The following SPINK5 variants were observed in gnomAD, a reference collection of about 807,000 sequenced individuals.
SPINK5 encodes serine peptidase inhibitor Kazal type 5.
Under a neutral mutation model 151.8 loss-of-function variants are expected in SPINK5, and 125 were observed. That is an observed-to-expected ratio of 0.82 (90% CI 0.71 to 0.96). SPINK5 has a LOEUF of 0.96. SPINK5 is among the 40% of genes least tolerant of loss of function. SPINK5 has a pLI of 0.00. For synonymous variants in SPINK5, 374 were observed against 395.3 expected (o/e 0.95, Z 0.64); for missense variants, 1,194 against 1,291.9 (o/e 0.92, Z 1.16).
In SPINK5 at chr5:148,120,233, A is replaced by G. The variant is rs1408478298; in HGVS notation, c.2442-62A>G. 8 of 1,609,160 alleles carry G rather than the reference A, an allele frequency of 5.0e-6. No homozygotes were observed. The East Asian group carries it at 1.6e-4, about 31-fold the overall frequency. ...AAAATGACAATTGTTTTAGAAGCAGATCTGGTAATTAATGAGGCGTTTGTT... is the reference window on the plus strand; with the variant it reads ...AAAATGACAATTGTTTTAGAAGCAGGTCTGGTAATTAATGAGGCGTTTGTT... On this transcript the variant is annotated intron_variant, in intron 25 of 32. Transcript: ENST00000256084.
intron 19 of SPINK5, among the ~76,000 whole-genome samples, 180 bp from the exon 20 acceptor site, chr5:148,112,688 A>C (rs1475206041): frequency 6.8e-6 from 1 of 147,976 alleles, no homozygotes; most frequent in African/African-American, 2.5e-5. Context: ...AAACCAAAAA[A>C]CAAACAAACA....
In SPINK5 at chr5:148,123,408, A is replaced by T. The variant is rs1466055789; in HGVS notation, c.2539-425A>T. 3.4e-3 allele frequency among the ~76,000 whole-genome samples: 142 copies of T among 41,870 alleles called. 1 individual carries two copies. The highest frequency in any genetic ancestry group is 8.2e-3 in the Non-Finnish European group (104 of 12,628). 27.5% of individuals were successfully genotyped at this position (41,870 alleles called of 152,430 possible). On this transcript the variant is annotated intron_variant, in intron 26 of 32. Coordinates refer to ENST00000256084, the MANE Select transcript of SPINK5 (RefSeq NM_006846.4). ...ATTATATATATATATAGATAGATATAATATATTATATATATAGATATATAT... is the reference window on the plus strand; with the variant it reads ...ATTATATATATATATAGATAGATATTATATATTATATATATAGATATATAT...
chr5:148,095,813 T>A lies in SPINK5; in HGVS notation c.795-5T>A. ...ATCTCTACTCATTTATTTTACTTTT[T>A]CCAGCAAGCAGCGTTTTTCAGAGGA... On this transcript the variant is annotated splice_polypyrimidine_tract_variant and splice_region_variant and intron_variant, in intron 9 of 32. Coordinates refer to ENST00000256084, the MANE Select transcript of SPINK5 (RefSeq NM_006846.4). 3.1e-6 allele frequency: 5 copies of A among 1,610,966 alleles called. No homozygotes were observed. The highest frequency in any genetic ancestry group is 4.2e-6 in the Non-Finnish European group (5 of 1,177,804).
At chr5:148,072,358 C>G (rs1375675774) in intron 4 of SPINK5, 138 bp downstream of exon 4, 16 of 869,578 alleles carry the variant, frequency 1.8e-5, no homozygotes, top group African/African-American at 3.3e-5. Flanking sequence ...ATGGGTTAGT[C>G]CAGGGGTGGG....
intron 21 of SPINK5, among the ~76,000 whole-genome samples, chr5:148,115,642 A>G (rs1754066250): frequency 6.6e-6 from 1 of 152,070 alleles, no homozygotes; most frequent in Non-Finnish European, 1.5e-5. Flanking sequence ...GTAAGCAATT[A>G]GAGATGATTC....
intron 8 of SPINK5, 30 bp downstream of exon 8, chr5:148,091,258 C>T (rs753705100): frequency 6.3e-7 from 1 of 1,599,496 alleles, no homozygotes; most frequent in South Asian, 1.1e-5. Context: ...CAATTTTGTT[C>T]TTGTGGCCAT....
At chr5:148,121,325 AC>A (rs11364614) in intron 26 of SPINK5, among the ~76,000 whole-genome samples, 81,769 of 151,150 alleles carry the variant, frequency 0.54, 23,241 homozygotes, top group Admixed American at 0.64. Flanking sequence ...TAATGCACCG[AC>A]GGACTCCAAT....
intron 2 of SPINK5, 132 bp downstream of exon 2, chr5:148,065,504 A>G (rs755138034): frequency 3.0e-5 from 28 of 929,482 alleles, no homozygotes; most frequent in Non-Finnish European, 4.4e-5. Flanking sequence ...TGTTAAAAAC[A>G]CAGAAACAGA....
intron 11 of SPINK5, 124 bp downstream of exon 11, chr5:148,098,118 A>G (rs1259123669): frequency 4.5e-5 from 42 of 928,000 alleles, no homozygotes; most frequent in South Asian, 4.4e-4. Context: ...AAAACATTAC[A>G]TGGAAAATAT....
At position 148,111,909 on chromosome 5, in the gene SPINK5, A is replaced by G; in HGVS notation, c.1820+14A>G. 1 of 1,613,940 alleles carries G rather than the reference A, an allele frequency of 6.2e-7. No individual in the cohort carries two copies. Among genetic ancestry groups the G allele is most frequent in the South Asian group, 1.1e-5 (1 of 91,088 alleles). On this transcript the variant is annotated intron_variant, in intron 19 of 32. Coordinates refer to ENST00000256084, the MANE Select transcript of SPINK5 (RefSeq NM_006846.4). ...TGAAGCCTTCTTGTGAGTGGGCGGC[A>G]GCCACTGCTGCTACTGAGTGTGGGA...
rs201524438 is a variant in SPINK5 at position 148,086,373 on chromosome 5, A to T, written c.283-32A>T. 2,260 of 1,606,394 alleles carry T rather than the reference A, an allele frequency of 1.4e-3. 3 individuals are homozygous for T. The highest frequency in any genetic ancestry group is 4.0e-3 in the Middle Eastern group (24 of 6,014). On this transcript the variant is annotated intron_variant, in intron 4 of 32. Coordinates refer to ENST00000256084, the MANE Select transcript of SPINK5 (RefSeq NM_006846.4). Reference sequence around the variant, plus strand: ...ATCTAAGGACTATTTTGTTTCTTACATTTTGACGTTCCTTGATCATGTCTT... The same window carrying T: ...ATCTAAGGACTATTTTGTTTCTTACTTTTTGACGTTCCTTGATCATGTCTT...
Position 148,111,869 on chromosome 5 carries a change from C to T in SPINK5, c.1794C>T (p.Asn598=), listed in dbSNP as rs1346554108. The T allele has an allele frequency of 1.2e-6, 2 of 1,613,890 alleles. No homozygotes were observed. Among genetic ancestry groups the T allele is most frequent in the East Asian group, 2.2e-5 (1 of 44,872 alleles). The change falls in exon 19 of 33, where the codon AAC becomes AAT. Residue 598 remains asparagine (N), a synonymous_variant. Transcript: ENST00000256084. ...GTCTAGATGGGAAAATCCACGGCAA[C>T]ACCTGCTCCATGTGTGAAGCCTTCT... ...IEGLDGKIHG[N]TCSMCEAFFQ... is the part of the protein sequence containing the mutation.
At chr5:148,136,005 CT>C (rs1051604617) in intron 32 of SPINK5, among the ~76,000 whole-genome samples, 1 of 152,130 alleles carries the variant, frequency 6.6e-6, no homozygotes. Flanking sequence ...GGATCACTGT[CT>C]TTCCCATTTT....
At chr5:148,108,887 C>T in intron 18 of SPINK5, 50 bp downstream of exon 18, 2 of 1,605,900 alleles carry the variant, frequency 1.2e-6, no homozygotes, top group East Asian at 4.5e-5. Context: ...CGATCACTCT[C>T]CCTAGGGAGG....
At chr5:148,072,289 T>G in intron 4 of SPINK5, 69 bp downstream of exon 4, 1 of 1,507,902 alleles carries the variant, frequency 6.6e-7, no homozygotes, top group Non-Finnish European at 9.2e-7. Flanking sequence ...GCTATCTGTT[T>G]ATTCCTTAAT....
At chr5:148,092,924 G>T (rs188253144) in intron 8 of SPINK5, among the ~76,000 whole-genome samples, 1 of 151,992 alleles carries the variant, frequency 6.6e-6, no homozygotes, top group East Asian at 1.9e-4. Context: ...ATCTAGAAAA[G>T]GTCCTACAGA....
rs765586289 is a variant in SPINK5, at chr5:148,107,034, C to T, written c.1480-3C>T. On this transcript the variant is annotated splice_polypyrimidine_tract_variant and splice_region_variant and intron_variant, in intron 16 of 32. Coordinates refer to ENST00000256084, the MANE Select transcript of SPINK5 (RefSeq NM_006846.4). ...CTGAGAAAATATTTTCTTCATTTCCCAGGAAATCTGCAGTGAATTTCGGGA... is the reference window on the plus strand; with the variant it reads ...CTGAGAAAATATTTTCTTCATTTCCTAGGAAATCTGCAGTGAATTTCGGGA... 92 of 1,611,886 alleles carry T rather than the reference C, an allele frequency of 5.7e-5. No individual in the cohort carries two copies. In the Admixed American group the frequency reaches 1.4e-3, roughly 24 times the overall value.
At chr5:148,120,974 C>T (rs368973052) in intron 26 of SPINK5, among the ~76,000 whole-genome samples, 78 of 151,708 alleles carry the variant, frequency 5.1e-4, no homozygotes, top group African/African-American at 1.9e-3. Context: ...GAAACCCCGT[C>T]TCTACTAAAA....
chr5:148,098,804 A>G (rs908831313), intron 11 of SPINK5, among the ~76,000 whole-genome samples: 2 of 152,026 alleles, frequency 1.3e-5, no homozygotes, highest in African/African-American at 2.4e-5. Flanking sequence ...TTGTAGTCAT[A>G]TCCTGAGATG....
Sources: gnomAD v4.1 joint callset for allele counts (sites outside exome capture counted in the v4.1 genomes callset) on GRCh38, gnomAD v4.1.1 for gene constraint, MANE v1.5 for transcripts, NCBI Gene and HGNC (gene_info 2026-07-23, HGNC 2026-07-21) for gene names.